Variants in GABBR2 observed in about 807,000 individuals in gnomAD.
The protein encoded by GABBR2 is gamma-aminobutyric acid type B receptor subunit 2.
A neutral mutation model predicts 105.6 loss-of-function variants in GABBR2; 23 were observed. The observed-to-expected ratio is 0.22, with a 90% confidence interval of 0.16 to 0.31. The LOEUF (loss-of-function observed/expected upper bound fraction) is 0.31. Ranked by LOEUF, GABBR2 falls within the 10% of genes least tolerant of loss-of-function variation. The pLI is 1.00. For synonymous variants in GABBR2, 478 were observed against 499.7 expected, an observed-to-expected ratio of 0.96 and a Z score of 0.58; for missense variants, 734 against 1,245.5, an observed-to-expected ratio of 0.59 and a Z score of 6.18.
intron 3 of GABBR2, among the ~76,000 whole-genome samples, chr9:98,496,787 T>G (rs1463482875): frequency 6.6e-6 from 1 of 152,184 alleles, no homozygotes; most frequent in South Asian, 2.1e-4. Flanking sequence ...AGAGTCAAGA[T>G]TAGCACCTTT....
chr9:98,320,528 C>T (rs534599799), intron 13 of GABBR2, among the ~76,000 whole-genome samples: 132 of 152,226 alleles, frequency 8.7e-4, no homozygotes, highest in African/African-American at 2.1e-3. Flanking sequence ...CACATGCACA[C>T]GTATGTTTAT....
intron 11 of GABBR2, among the ~76,000 whole-genome samples, chr9:98,373,483 C>T (rs975783132): frequency 2.0e-5 from 3 of 152,150 alleles, no homozygotes; most frequent in Admixed American, 6.5e-5. Flanking sequence ...CCTCTCTCCC[C>T]GACATCCTGC....
rs576669874 is a variant in GABBR2, at chr9:98,476,288, C to T, written c.799-2942G>A. ...TAGCTGTTTCTTGTAAGTGAGTTTT[C>T]CAGAAAACAGAAGCTTATTCCATTT... On this transcript the variant is annotated intron_variant, in intron 5 of 18. Coordinates refer to ENST00000259455, the MANE Select transcript of GABBR2 (RefSeq NM_005458.8). Among the ~76,000 whole-genome samples, 129 of 152,306 alleles carry T rather than the reference C, an allele frequency of 8.5e-4. 1 individual carries two copies. The highest frequency in any genetic ancestry group is 1.7e-3 in the Non-Finnish European group (113 of 68,028).
chr9:98,336,857 AC>A (rs1370780597), intron 13 of GABBR2, among the ~76,000 whole-genome samples: 1 of 152,204 alleles, frequency 6.6e-6, no homozygotes, highest in Non-Finnish European at 1.5e-5. Context: ...TATGTGACTC[AC>A]TTTTGATTCA....
At chr9:98,380,448 C>T (rs984736915) in intron 11 of GABBR2, among the ~76,000 whole-genome samples, 2 of 152,236 alleles carry the variant, frequency 1.3e-5, no homozygotes, top group East Asian at 3.8e-4. Context: ...ACCTGCTGGA[C>T]TCCTTGTCTG....
At chr9:98,292,144 G>C (rs1284414374) in intron 18 of GABBR2, among the ~76,000 whole-genome samples, 1 of 152,194 alleles carries the variant, frequency 6.6e-6, no homozygotes, top group East Asian at 1.9e-4. Context: ...CTTTCACACC[G>C]CATTCCTTGA....
chr9:98,646,257 G>C (rs1339313104), intron 1 of GABBR2, among the ~76,000 whole-genome samples: 1 of 152,190 alleles, frequency 6.6e-6, no homozygotes, highest in Non-Finnish European at 1.5e-5. Flanking sequence ...TGGGAGTGTG[G>C]AATTTTGGTA....
At chr9:98,455,734 C>G (rs537885843) in intron 6 of GABBR2, among the ~76,000 whole-genome samples, 1 of 152,346 alleles carries the variant, frequency 6.6e-6, no homozygotes, top group East Asian at 1.9e-4. Flanking sequence ...AAGACTGTGT[C>G]TTCCGTGGGT....
At chr9:98,707,042 A>G (rs1366981867) in intron 1 of GABBR2, among the ~76,000 whole-genome samples, 1 of 152,212 alleles carries the variant, frequency 6.6e-6, no homozygotes, top group East Asian at 1.9e-4. Flanking sequence ...ACCGCTGCCA[A>G]CTGCCACCGG....
At chr9:98,517,863 C>T (rs1049485975) in intron 3 of GABBR2, among the ~76,000 whole-genome samples, 4 of 151,166 alleles carry the variant, frequency 2.6e-5, no homozygotes, top group African/African-American at 4.9e-5. Flanking sequence ...GGGAGCCCAG[C>T]AGGAGTCAGA....
chr9:98,389,388 T>C (rs1832138578), intron 9 of GABBR2, among the ~76,000 whole-genome samples: 1 of 152,218 alleles, frequency 6.6e-6, no homozygotes, highest in Admixed American at 6.5e-5. Flanking sequence ...ATGAAGAACT[T>C]GGCTTTGGCC....
At chr9:98,602,167 ATT>A (rs56712617) in intron 1 of GABBR2, among the ~76,000 whole-genome samples, 49,684 of 145,296 alleles carry the variant, frequency 0.34, 8,693 homozygotes, top group African/African-American at 0.47. Flanking sequence ...TGCCTGGTTA[ATT>A]TTTTTTTTTT....
intron 1 of GABBR2, among the ~76,000 whole-genome samples, chr9:98,698,602 C>T (rs939782236): frequency 2.4e-4 from 37 of 151,678 alleles, no homozygotes; most frequent in African/African-American, 9.0e-4. Context: ...CAGGTTCAAG[C>T]GATTTTCCTG....
At chr9:98,327,644 G>A (rs1220813146) in intron 13 of GABBR2, among the ~76,000 whole-genome samples, 2 of 151,900 alleles carry the variant, frequency 1.3e-5, no homozygotes, top group African/African-American at 4.8e-5. Context: ...TGGGGCGGGC[G>A]GATCACTTGA....
intron 7 of GABBR2, among the ~76,000 whole-genome samples, chr9:98,447,416 T>C (rs1414033311): frequency 6.6e-6 from 1 of 152,134 alleles, no homozygotes; most frequent in Non-Finnish European, 1.5e-5. Context: ...GACACCAATG[T>C]CTGGCTGGTG....
intron 8 of GABBR2, among the ~76,000 whole-genome samples, chr9:98,400,955 A>G (rs1832384713): frequency 6.6e-6 from 1 of 152,120 alleles, no homozygotes; most frequent in African/African-American, 2.4e-5. Flanking sequence ...GACCAACGAC[A>G]ATGACTGCCC....
chr9:98,578,018 T>A lies in GABBR2; in HGVS notation c.376A>T (p.Asn126Tyr), dbSNP rs1261876748. The change falls in exon 2 of 19, where the codon AAC (asparagine) becomes TAC (tyrosine). Residue 126 changes from asparagine (N) to tyrosine (Y), a missense_variant. Asn to Tyr is a moderately radical substitution (Grantham distance 143). Coordinates refer to ENST00000259455, the MANE Select transcript of GABBR2 (RefSeq NM_005458.8). The part of the protein sequence containing the change: ...AFYDAIKYGP[N>Y]HLMVFGGVCP... Reference sequence around the variant, plus strand: ...ACGCCTCCAAACACCATCAAGTGGTTAGGCCCGTATTTTATTGCATCGTAG... The same window carrying A: ...ACGCCTCCAAACACCATCAAGTGGTAAGGCCCGTATTTTATTGCATCGTAG... The A allele has an allele frequency of 6.2e-7, 1 of 1,613,976 alleles. No homozygotes were observed. Among genetic ancestry groups the A allele is most frequent in the Admixed American group, 1.7e-5 (1 of 60,020 alleles).
At chr9:98,539,292 C>T (rs1828243629) in intron 3 of GABBR2, among the ~76,000 whole-genome samples, 1 of 152,202 alleles carries the variant, frequency 6.6e-6, no homozygotes, top group African/African-American at 2.4e-5. Context: ...GGCACACAAC[C>T]AATGTCAGGG....
intron 3 of GABBR2, 55 bp from the exon 4 acceptor site, chr9:98,496,569 A>G: frequency 8.5e-7 from 1 of 1,177,062 alleles, no homozygotes. Flanking sequence ...AGGAAGGGCC[A>G]GTTCCGAGGG....
Sources: gnomAD v4.1 joint callset for allele counts (sites outside exome capture counted in the v4.1 genomes callset) on GRCh38, gnomAD v4.1.1 for gene constraint, MANE v1.5 for transcripts, NCBI Gene and HGNC (gene_info 2026-07-23, HGNC 2026-07-21) for gene names.